PDSS2: variants seen among roughly 807,000 people sequenced by gnomAD.
PDSS2 encodes decaprenyl diphosphate synthase subunit 2.
A neutral mutation model predicts 44.5 loss-of-function variants in PDSS2; 31 were observed. The observed-to-expected ratio is 0.70, with a 90% CI of 0.52 to 0.94. The LOEUF is 0.94. Among genes scored for constraint, PDSS2 ranks in the 40% least tolerant of loss-of-function variants. The probability of loss-of-function intolerance (pLI) is 0.00; values close to 1 mark genes in which losing one functional copy is unlikely to be tolerated. For synonymous variants in PDSS2, 157 were observed against 180.3 expected (o/e 0.87, Z 1.03); for missense variants, 452 against 482.2 (o/e 0.94, Z 0.59).
intron 1 of PDSS2, among the ~76,000 whole-genome samples, chr6:107,404,788 C>T (rs1409445747): frequency 2.0e-5 from 3 of 152,082 alleles, no homozygotes; most frequent in African/African-American, 7.3e-5. Context: ...TGGGTAGGGA[C>T]ACAGCCAAAC....
At chr6:107,389,908 T>C (rs1300915368) in intron 1 of PDSS2, among the ~76,000 whole-genome samples, 5 of 152,098 alleles carry the variant, frequency 3.3e-5, no homozygotes, top group African/African-American at 1.2e-4. Context: ...AACCAGAGTA[T>C]CTTGTAGTAC....
chr6:107,166,791 A>C (rs376321531), intron 7 of PDSS2, among the ~76,000 whole-genome samples: 1 of 152,058 alleles, frequency 6.6e-6, no homozygotes, highest in Non-Finnish European at 1.5e-5. Context: ...ATTGATTTGC[A>C]TATGTTGAAC....
At chr6:107,212,361 T>G (rs1190315191) in intron 4 of PDSS2, 79 bp from the exon 5 acceptor site, 3 of 1,205,578 alleles carry the variant, frequency 2.5e-6, no homozygotes, top group Non-Finnish European at 3.5e-6. Context: ...AATAAAAAAG[T>G]TAAGAAACGA....
At chr6:107,243,991 G>T (rs746425588) in intron 4 of PDSS2, among the ~76,000 whole-genome samples, 2 of 152,134 alleles carry the variant, frequency 1.3e-5, no homozygotes, top group Non-Finnish European at 2.9e-5. Flanking sequence ...AGCCAGGTGT[G>T]GTGGTGCATG....
At position 107,357,722 on chromosome 6, in the gene PDSS2, G is replaced by A. The variant is rs551836878; in HGVS notation, c.297-23390C>T. On this transcript the variant is annotated intron_variant, in intron 1 of 7. Transcript: ENST00000369037. ...TATTTTGAAAAACTGAGTGGCAACC[G>A]TTATTCTCTGGCAATTTTTTACTGT... is the stretch of plus-strand genomic sequence containing the variant. Among the ~76,000 whole-genome samples the A allele has an allele frequency of 8.0e-4, 121 of 152,158 alleles. 1 individual carries two copies. The highest frequency in any genetic ancestry group is 2.7e-3 in the African/African-American group (111 of 41,544).
Position 107,449,595 on chromosome 6 carries a change from T to C in PDSS2, c.296+9395A>G, listed in dbSNP as rs1422510794. ...TTCACTTAGCATAATGTCCTCCATA[T>C]TTCACTCAGCATAATGTCCTCCAGG... On this transcript the variant is annotated intron_variant, in intron 1 of 7. Transcript: ENST00000369037. 3.9e-5 allele frequency among the ~76,000 whole-genome samples: 6 copies of C among 152,180 alleles called. 1 individual carries two copies. Among genetic ancestry groups the C allele is most frequent in the Admixed American group, 2.6e-4 (4 of 15,262 alleles).
At chr6:107,261,926 T>G (rs1582863523) in intron 3 of PDSS2, among the ~76,000 whole-genome samples, 1 of 108,712 alleles carries the variant, frequency 9.2e-6, no homozygotes, top group Non-Finnish European at 1.9e-5. Context: ...TTTTTTTTTT[T>G]GAGATGGAGT....
chr6:107,187,230 G>A (rs924010128), intron 7 of PDSS2, among the ~76,000 whole-genome samples: 11 of 152,084 alleles, frequency 7.2e-5, no homozygotes, highest in Non-Finnish European at 1.3e-4. Context: ...TACCTAAATC[G>A]AGTTATGTCT....
intron 7 of PDSS2, among the ~76,000 whole-genome samples, chr6:107,181,982 A>C (rs998431435): frequency 6.6e-6 from 1 of 152,126 alleles, no homozygotes; most frequent in African/African-American, 2.4e-5. Context: ...TCATTTAATA[A>C]TTTTATTCAT....
chr6:107,181,505 C>T (rs529535955), intron 7 of PDSS2, among the ~76,000 whole-genome samples: 3 of 142,108 alleles, frequency 2.1e-5, no homozygotes, highest in Admixed American at 1.5e-4. Flanking sequence ...TGCACTCCAG[C>T]CTTGGTGACA....
chr6:107,287,832 T>C (rs979123447), intron 2 of PDSS2, among the ~76,000 whole-genome samples: 3 of 149,916 alleles, frequency 2.0e-5, no homozygotes, highest in African/African-American at 7.4e-5. Context: ...AAATTTTTAT[T>C]GTATTTTAAA....
At chr6:107,378,288 A>C (rs924576504) in intron 1 of PDSS2, among the ~76,000 whole-genome samples, 8 of 151,228 alleles carry the variant, frequency 5.3e-5, no homozygotes. Context: ...AAAGAAAAGA[A>C]GACACACGGG....
At chr6:107,331,576 A>T (rs1285857100) in intron 2 of PDSS2, among the ~76,000 whole-genome samples, 3 of 152,216 alleles carry the variant, frequency 2.0e-5, no homozygotes, top group Non-Finnish European at 4.4e-5. Context: ...AAGAATTAGA[A>T]ACACAAGGTT....
intron 1 of PDSS2, among the ~76,000 whole-genome samples, chr6:107,456,916 C>T (rs1583112270): frequency 6.6e-6 from 1 of 152,276 alleles, no homozygotes; most frequent in Non-Finnish European, 1.5e-5. Context: ...GAGGAGTACA[C>T]ATTTAGCTTC....
intron 7 of PDSS2, among the ~76,000 whole-genome samples, chr6:107,179,347 C>T (rs1407685070): frequency 6.6e-6 from 1 of 151,796 alleles, no homozygotes; most frequent in Non-Finnish European, 1.5e-5. Flanking sequence ...GTGGTGTGAT[C>T]TCAGCTCACT....
chr6:107,318,254 T>G (rs1184368703), intron 2 of PDSS2, among the ~76,000 whole-genome samples: 3 of 152,086 alleles, frequency 2.0e-5, no homozygotes, highest in Non-Finnish European at 4.4e-5. Flanking sequence ...CCGCCCCGCT[T>G]CTTTCACCAA....
At chr6:107,309,984 T>A (rs566838158) in intron 2 of PDSS2, among the ~76,000 whole-genome samples, 7 of 152,148 alleles carry the variant, frequency 4.6e-5, no homozygotes, top group Non-Finnish European at 7.4e-5. Context: ...AAGTCCAAGA[T>A]AAAAGTGTCA....
intron 1 of PDSS2, among the ~76,000 whole-genome samples, chr6:107,456,386 A>G (rs1040902605): frequency 2.6e-5 from 4 of 152,246 alleles, no homozygotes; most frequent in Non-Finnish European, 5.9e-5. Flanking sequence ...ACACACAGTA[A>G]AAACCTAATG....
At chr6:107,166,342 A>G (rs1441500390) in intron 7 of PDSS2, among the ~76,000 whole-genome samples, 9 of 149,676 alleles carry the variant, frequency 6.0e-5, no homozygotes, top group Non-Finnish European at 8.9e-5. Flanking sequence ...ATGTCCCATC[A>G]ATACCTAATT....
Sources: allele counts gnomAD v4.1 joint callset (sites outside exome capture counted in the v4.1 genomes callset), GRCh38; gene constraint gnomAD v4.1.1; transcripts MANE v1.5; gene names NCBI Gene and HGNC (gene_info 2026-07-23, HGNC 2026-07-21).